The following VAV2 variants were observed in gnomAD, a reference collection of about 807,000 sequenced individuals.
VAV2 encodes vav guanine nucleotide exchange factor 2.
In VAV2, 67 loss-of-function variants were observed where a neutral mutation model predicts 132.5. The observed-to-expected ratio is 0.51, with a 90% CI of 0.42 to 0.62. The LOEUF (loss-of-function observed/expected upper bound fraction) is 0.62, where lower values mean the gene tolerates loss of function less well. Among genes scored for constraint, VAV2 ranks in the 20% least tolerant of loss-of-function variants. The probability of loss-of-function intolerance (pLI) is 0.00; values close to 1 mark genes in which losing one functional copy is unlikely to be tolerated. For synonymous variants in VAV2, 492 were observed against 443.5 expected (o/e 1.11, Z -1.37); for missense variants, 938 against 1,153.6 (o/e 0.81, Z 2.71).
At chr9:133,793,604 G>A (rs1010063450) in intron 12 of VAV2, among the ~76,000 whole-genome samples, 4 of 152,164 alleles carry the variant, frequency 2.6e-5, no homozygotes, top group African/African-American at 7.2e-5. Flanking sequence ...TGACCACCGC[G>A]GCCCCTGCGT....
chr9:133,790,017 T>C (rs1003710278), intron 13 of VAV2, among the ~76,000 whole-genome samples: 2 of 152,244 alleles, frequency 1.3e-5, no homozygotes, highest in African/African-American at 4.8e-5. Context: ...CCCCAGAGGC[T>C]GCAAGGACAG....
chr9:133,987,117 C>T (rs1023268745), intron 1 of VAV2, among the ~76,000 whole-genome samples: 17 of 152,126 alleles, frequency 1.1e-4, no homozygotes, highest in Admixed American at 6.5e-4. Context: ...CGTGGCCCTG[C>T]CTTGGAGGGG....
chr9:133,915,012 G>A (rs1201159646), intron 2 of VAV2, among the ~76,000 whole-genome samples: 1 of 152,154 alleles, frequency 6.6e-6, no homozygotes, highest in African/African-American at 2.4e-5. Context: ...ACCTGGGAGG[G>A]AGCAGGGAAG....
intron 12 of VAV2, 44 bp from the exon 13 acceptor site, chr9:133,791,913 GTGTGTGTGAC>G: frequency 6.6e-7 from 1 of 1,518,386 alleles, no homozygotes; most frequent in East Asian, 2.3e-5. Context: ...GCTGGGTGGG[GTGTGTGTGAC>G]TGTGTGTGTA....
rs1432670024 is a variant in VAV2, at chr9:133,884,146, C to A, written c.322-22714G>T. 1.3e-5 allele frequency among the ~76,000 whole-genome samples: 2 copies of A among 150,864 alleles called. No individual in the cohort carries two copies. The highest frequency in any genetic ancestry group is 4.9e-5 in the African/African-American group (2 of 40,910). ...CAGCCTGGCAACAGCCAGACTCAGT[C>A]TCAACCAAAAAAAAAAAATGATTCT... On this transcript the variant is annotated intron_variant, in intron 2 of 29. Coordinates refer to ENST00000371850, the MANE Select transcript of VAV2 (RefSeq NM_001134398.2). The surrounding 1 kb of genome is among the most constrained non-coding windows in gnomAD (Gnocchi z 5.3).
intron 14 of VAV2, 138 bp downstream of exon 14, chr9:133,789,120 G>T: frequency 1.1e-6 from 1 of 925,290 alleles, no homozygotes; most frequent in South Asian, 1.6e-5. Context: ...AATTAAAACT[G>T]AACAACACAA....
chr9:133,809,834 G>A (rs748940438), intron 6 of VAV2, among the ~76,000 whole-genome samples: 2 of 152,236 alleles, frequency 1.3e-5, no homozygotes, highest in African/African-American at 4.8e-5. Flanking sequence ...TCCCAACACT[G>A]TCTTTAAGGT....
intron 2 of VAV2, among the ~76,000 whole-genome samples, chr9:133,930,225 TCTCTGCCTCCC>T (rs1317078561): frequency 6.6e-6 from 1 of 151,436 alleles, no homozygotes; most frequent in Admixed American, 6.6e-5. Flanking sequence ...CCTGGCCTCC[TCTCTGCCTCCC>T]GGCATCCTCA....
intron 3 of VAV2, among the ~76,000 whole-genome samples, chr9:133,860,545 G>A (rs1014413407): frequency 6.6e-6 from 1 of 151,934 alleles, no homozygotes; most frequent in Non-Finnish European, 1.5e-5. Context: ...CATCCCCCAC[G>A]GATCACATCA....
At chr9:133,811,968 T>G in intron 5 of VAV2, 146 bp downstream of exon 5, 1 of 753,606 alleles carries the variant, frequency 1.3e-6, no homozygotes, top group Non-Finnish European at 2.2e-6. Context: ...GACCAAGGGG[T>G]GCACCTCTGG....
At position 133,809,038 on chromosome 9, in the gene VAV2, A is replaced by C; in HGVS notation, c.666+2T>G. The stretch of plus-strand genomic sequence containing the variant: ...TTTCCAGTGGCCGCCATCTGCCCTC[A>C]CCTTCTCAATGTCCTCCAGGGTGCG... On this transcript the variant is annotated splice_donor_variant, in intron 7 of 29. Coordinates refer to ENST00000371850, the MANE Select transcript of VAV2 (RefSeq NM_001134398.2). LOFTEE classifies it high-confidence loss of function. 6.2e-7 allele frequency: 1 copy of C among 1,613,238 alleles called. No individual in the cohort carries two copies.
intron 29 of VAV2, among the ~76,000 whole-genome samples, chr9:133,765,325 A>G (rs893551774): frequency 1.3e-5 from 2 of 152,230 alleles, no homozygotes; most frequent in African/African-American, 4.8e-5. Flanking sequence ...AGCAAATATA[A>G]TCTTAAACAC....
At chr9:133,891,648 AGG>A (rs1371081039) in intron 2 of VAV2, among the ~76,000 whole-genome samples, 3 of 1,114 alleles carry the variant, frequency 2.7e-3, no homozygotes, top group African/African-American at 5.4e-3. Flanking sequence ...GGGATGGGGG[AGG>A]GATGGAGGGG....
chr9:133,796,394 A>T, intron 11 of VAV2, 35 bp downstream of exon 11: 1 of 1,590,438 alleles, frequency 6.3e-7, no homozygotes, highest in Non-Finnish European at 8.6e-7. Flanking sequence ...TCCAGCAGTG[A>T]TGACCCCGCA....
At position 133,991,596 on chromosome 9, in the gene VAV2, C is replaced by A. The variant is rs1395801625; in HGVS notation, c.204+479G>T. Among the ~76,000 whole-genome samples, 1 of 151,570 alleles carries A rather than the reference C, an allele frequency of 6.6e-6. No individual in the cohort carries two copies. Among genetic ancestry groups the A allele is most frequent in the Admixed American group, 6.6e-5 (1 of 15,208 alleles). On this transcript the variant is annotated intron_variant, in intron 1 of 29. Transcript: ENST00000371850. The surrounding 1 kb of genome is among the most constrained non-coding windows in gnomAD (Gnocchi z 4.8). ...CCCTCCGGCCCCGAGGGCTCCCGCC[C>A]CGCGCCCCTCCCGGGCCCTCCAGCC... is the stretch of plus-strand genomic sequence containing the variant.
chr9:133,806,302 TG>T, intron 8 of VAV2, 121 bp from the exon 9 acceptor site: 2 of 853,448 alleles, frequency 2.3e-6, no homozygotes, highest in South Asian at 3.3e-5. Context: ...GCCCGGGTGC[TG>T]GGCCTGCACC....
At chr9:133,881,603 A>T (rs990483133) in intron 2 of VAV2, among the ~76,000 whole-genome samples, 8 of 152,212 alleles carry the variant, frequency 5.3e-5, no homozygotes, top group African/African-American at 1.9e-4. Flanking sequence ...CCTGAGATCC[A>T]TGGTGGGCCT....
rs559386629 is a variant in VAV2 at position 133,892,138 on chromosome 9, G to A, written c.322-30706C>T. ...TACGGGGTGGAAGGGACCCAAGGGC[G>A]GGGTGGGGGATGATGGAACAGAGGC... On this transcript the variant is annotated intron_variant, in intron 2 of 29. Transcript: ENST00000371850. 4.6e-5 allele frequency among the ~76,000 whole-genome samples: 6 copies of A among 130,752 alleles called. No individual in the cohort carries two copies. The East Asian group carries it at 9.6e-4, about 21-fold the overall frequency. The allele number at this position is 130,752 out of a possible 152,430, so 85.8% of individuals were successfully genotyped here.
chr9:133,962,525 G>A (rs1841998531), intron 1 of VAV2, among the ~76,000 whole-genome samples: 1 of 152,058 alleles, frequency 6.6e-6, no homozygotes, highest in South Asian at 2.1e-4. Context: ...AGGGCACCTG[G>A]GCTGCTGCGG....
Sources: allele counts gnomAD v4.1 joint callset (sites outside exome capture counted in the v4.1 genomes callset), GRCh38; gene constraint gnomAD v4.1.1; non-coding constraint Gnocchi (gnomAD v3.1); transcripts MANE v1.5; gene names NCBI Gene and HGNC (gene_info 2026-07-23, HGNC 2026-07-21).